Variants in EBF2 observed in about 807,000 individuals in gnomAD.
EBF2 encodes EBF transcription factor 2.
A neutral mutation model predicts 72.8 loss-of-function variants in EBF2; 21 were observed. That is an observed-to-expected ratio of 0.29 (90% CI 0.20 to 0.42). The LOEUF is 0.42. EBF2 is among the 10% of genes least tolerant of loss of function. EBF2 has a pLI of 1.00. For synonymous variants in EBF2, 299 were observed against 274.2 expected (o/e 1.09, Z -0.89); for missense variants, 637 against 731.2 (o/e 0.87, Z 1.49).
intron 6 of EBF2, among the ~76,000 whole-genome samples, chr8:25,936,456 T>C (rs1803580619): frequency 1.3e-5 from 2 of 152,166 alleles, no homozygotes; most frequent in African/African-American, 4.8e-5. Flanking sequence ...CCACAGGATA[T>C]AGCAATATCC....
intron 6 of EBF2, among the ~76,000 whole-genome samples, chr8:25,967,036 G>A (rs1298439584): frequency 1.3e-5 from 2 of 152,154 alleles, no homozygotes; most frequent in African/African-American, 4.8e-5. Context: ...TACAATAAAC[G>A]GAGAGAAGGA....
intron 6 of EBF2, among the ~76,000 whole-genome samples, chr8:26,011,163 C>T (rs1237836415): frequency 6.6e-6 from 1 of 152,144 alleles, no homozygotes; most frequent in Non-Finnish European, 1.5e-5. Context: ...AATTGCATCC[C>T]AGTAACTTGG....
At chr8:26,020,374 G>A (rs898140036) in intron 6 of EBF2, among the ~76,000 whole-genome samples, 1 of 152,202 alleles carries the variant, frequency 6.6e-6, no homozygotes, top group Non-Finnish European at 1.5e-5. Flanking sequence ...GACGCCACTT[G>A]AAGTGAAAAC....
intron 7 of EBF2, among the ~76,000 whole-genome samples, chr8:25,899,017 A>G (rs964274993): frequency 2.6e-5 from 4 of 152,090 alleles, no homozygotes; most frequent in Non-Finnish European, 1.5e-5. Flanking sequence ...ACTGGTTTTC[A>G]TTTCTCACCT....
Position 25,852,030 on chromosome 8 carries a change from C to A in EBF2, c.1529-1269G>T, listed in dbSNP as rs1036926471. Among the ~76,000 whole-genome samples, 46 of 152,152 alleles carry A rather than the reference C, an allele frequency of 3.0e-4. 1 individual carries two copies. Among genetic ancestry groups the A allele is most frequent in the Non-Finnish European group, 8.8e-5 (6 of 68,032 alleles). On this transcript the variant is annotated intron_variant, in intron 14 of 15. Coordinates refer to ENST00000520164, the MANE Select transcript of EBF2 (RefSeq NM_022659.4). The stretch of plus-strand genomic sequence containing the variant: ...AAATCCAAAGACTTCAAAAGAAGAG[C>A]TTTCTCTAAAAACATCTTATCCTTA...
At chr8:25,967,296 T>G (rs1804130158) in intron 6 of EBF2, among the ~76,000 whole-genome samples, 1 of 152,200 alleles carries the variant, frequency 6.6e-6, no homozygotes, top group Non-Finnish European at 1.5e-5. Context: ...AGCTCTTTTT[T>G]GGGTAGAGAA....
chr8:25,923,599 G>A (rs1803340001), intron 6 of EBF2, among the ~76,000 whole-genome samples: 1 of 152,062 alleles, frequency 6.6e-6, no homozygotes, highest in African/African-American at 2.4e-5. Flanking sequence ...GTTGTTGTTT[G>A]TTTTGCAATA....
At chr8:26,004,652 G>A in intron 6 of EBF2, among the ~76,000 whole-genome samples, 1 of 140,328 alleles carries the variant, frequency 7.1e-6, no homozygotes, top group South Asian at 2.3e-4. Flanking sequence ...TCCAGCCTGG[G>A]TGACATAGCA....
intron 6 of EBF2, among the ~76,000 whole-genome samples, chr8:26,028,710 C>T (rs1444264713): frequency 1.3e-5 from 2 of 152,220 alleles, no homozygotes; most frequent in African/African-American, 4.8e-5. Flanking sequence ...CCCTCTAAAA[C>T]ACAAATGCAA....
chr8:25,941,210 CT>C (rs5890269), intron 6 of EBF2, among the ~76,000 whole-genome samples: 10 of 142,288 alleles, frequency 7.0e-5, no homozygotes, highest in South Asian at 4.5e-4. Flanking sequence ...GCTCCCCCAT[CT>C]TTTTTTTTTT....
intron 6 of EBF2, among the ~76,000 whole-genome samples, chr8:25,966,109 G>C (rs562147929): frequency 1.3e-5 from 2 of 152,222 alleles, no homozygotes; most frequent in African/African-American, 4.8e-5. Flanking sequence ...CCAACTGCAG[G>C]CCAGGCTGGC....
At chr8:25,847,427 G>A (rs147786295) in intron 15 of EBF2, among the ~76,000 whole-genome samples, 4 of 152,116 alleles carry the variant, frequency 2.6e-5, no homozygotes, top group Non-Finnish European at 5.9e-5. Context: ...CTCTCTCTCT[G>A]TACTCAAGGG....
intron 6 of EBF2, among the ~76,000 whole-genome samples, chr8:26,014,040 C>A (rs1805069664): frequency 6.6e-6 from 1 of 152,114 alleles, no homozygotes; most frequent in African/African-American, 2.4e-5. Flanking sequence ...TCTCAAAATT[C>A]CAGGACTTTT....
chr8:25,894,516 C>T (rs930910191), intron 7 of EBF2, among the ~76,000 whole-genome samples: 29 of 152,278 alleles, frequency 1.9e-4, no homozygotes, highest in African/African-American at 6.7e-4. Flanking sequence ...ATCAGTCAAC[C>T]CCTGACAACT....
In EBF2 at chr8:25,889,842, C is replaced by T; in HGVS notation, c.661G>A (p.Asp221Asn). 6.2e-7 allele frequency: 1 copy of T among 1,613,934 alleles called. No individual in the cohort carries two copies. The highest frequency in any genetic ancestry group is 1.7e-4 in the Middle Eastern group (1 of 6,058). Reference protein sequence around the residue: ...QVVLSTTVNVDGHVLAVSDNM... With the variant: ...QVVLSTTVNVNGHVLAVSDNM... ...TCAGAAACAGCCAGGACGTGTCCAT[C>T]CACATTCACCGTTGTTGACAACACA... is the stretch of plus-strand genomic sequence containing the variant. Residue 221 changes from aspartate (D) to asparagine (N), a missense_variant, in exon 8 of 16, where the codon GAT becomes AAT. By Grantham distance (23) the Asp-to-Asn change is conservative (BLOSUM62 1). Coordinates refer to ENST00000520164, the MANE Select transcript of EBF2 (RefSeq NM_022659.4).
intron 6 of EBF2, among the ~76,000 whole-genome samples, chr8:25,925,490 T>C (rs1803371064): frequency 6.6e-6 from 1 of 152,072 alleles, no homozygotes; most frequent in South Asian, 2.1e-4. Flanking sequence ...GAAATTATCA[T>C]TTGTCAGCCT....
chr8:25,896,886 T>C (rs745518978), intron 7 of EBF2, among the ~76,000 whole-genome samples: 1 of 152,176 alleles, frequency 6.6e-6, no homozygotes, highest in Non-Finnish European at 1.5e-5. Flanking sequence ...CCTACCACTT[T>C]ATTCTTGGCA....
At chr8:25,958,072 C>G (rs1202469650) in intron 6 of EBF2, among the ~76,000 whole-genome samples, 1 of 152,078 alleles carries the variant, frequency 6.6e-6, no homozygotes, top group Non-Finnish European at 1.5e-5. Flanking sequence ...CATGAGCCTC[C>G]CAGACAGATA....
intron 5 of EBF2, 82 bp downstream of exon 5, chr8:26,039,946 A>C: frequency 6.9e-6 from 10 of 1,447,140 alleles, no homozygotes; most frequent in Non-Finnish European, 9.7e-6. Flanking sequence ...CCTGAAAGTT[A>C]GTCCCGGGAA....
Sources: allele counts gnomAD v4.1 joint callset (sites outside exome capture counted in the v4.1 genomes callset), GRCh38; gene constraint gnomAD v4.1.1; transcripts MANE v1.5; gene names NCBI Gene and HGNC (gene_info 2026-07-23, HGNC 2026-07-21).